CDK13: variants seen among roughly 807,000 people sequenced by gnomAD.
The protein encoded by CDK13 is cyclin dependent kinase 13, also known as cyclin-dependent kinase 13.
Under a neutral mutation model 137.6 loss-of-function variants are expected in CDK13, and 40 were observed. That is an observed-to-expected ratio of 0.29 (90% CI 0.23 to 0.38). The LOEUF (loss-of-function observed/expected upper bound fraction) is 0.38. Among genes scored for constraint, CDK13 ranks in the 10% least tolerant of loss-of-function variants. CDK13 has a pLI of 1.00. For synonymous variants in CDK13, 869 were observed against 760.1 expected (o/e 1.14, Z -2.36); for missense variants, 1,704 against 1,951.8 (o/e 0.87, Z 2.39).
In CDK13 at chr7:39,950,606, C is replaced by G; in HGVS notation, c.-36C>G. The G allele has an allele frequency of 3.1e-6, 4 of 1,290,870 alleles. No homozygotes were observed. Among genetic ancestry groups the G allele is most frequent in the Non-Finnish European group, 3.9e-6 (4 of 1,019,896 alleles). 80.0% of individuals were successfully genotyped at this position (1,290,870 alleles called of 1,614,324 possible). ...GCCAGGATCTGACCCGGGAGGAGGC[C>G]GCACCCGCGCCGCGCTCTGCGGCTG... On this transcript the variant is annotated 5_prime_UTR_variant, in exon 1 of 14. Transcript: ENST00000181839.
At chr7:39,963,233 A>G (rs2116145338) in intron 1 of CDK13, among the ~76,000 whole-genome samples, 1 of 152,190 alleles carries the variant, frequency 6.6e-6, no homozygotes, top group Admixed American at 6.5e-5. Context: ...CATTTTCATG[A>G]TATTGATTCT....
intron 4 of CDK13, among the ~76,000 whole-genome samples, chr7:40,000,740 A>T (rs1784665327): frequency 6.6e-6 from 1 of 152,226 alleles, no homozygotes; most frequent in Non-Finnish European, 1.5e-5. Context: ...CACAATATAG[A>T]AGGCATTCCA....
intron 12 of CDK13, among the ~76,000 whole-genome samples, chr7:40,090,702 T>C (rs1485956052): frequency 2.0e-5 from 3 of 147,636 alleles, no homozygotes; most frequent in Admixed American, 1.4e-4. Context: ...CTAGGTAACA[T>C]GGCAAAACCC....
Position 40,008,744 on chromosome 7 carries a change from C to G in CDK13, c.2353+6713C>G, listed in dbSNP as rs142333712. ...TTTTTTTAATTGAAAATAACATGTT[C>G]CTGTAACAGTGCGGCTTCCAGCAGC... On this transcript the variant is annotated intron_variant, in intron 5 of 13. Transcript: ENST00000181839. 3.3e-5 allele frequency among the ~76,000 whole-genome samples: 5 copies of G among 152,098 alleles called. No individual in the cohort carries two copies. The East Asian group carries it at 9.6e-4, about 29-fold the overall frequency.
chr7:40,039,434 A>ATTTTTTTTTTTTTTTTTTTTTTTTTTTTT (rs976319927), intron 5 of CDK13, among the ~76,000 whole-genome samples: 2 of 85,000 alleles, frequency 2.4e-5, no homozygotes, highest in African/African-American at 1.1e-4. Flanking sequence ...TGCCCGGCTA[A>ATTTTTTTTTTTTTTTTTTTTTTTTTTTTT]TTTTTTTTTT....
rs1003088883 is a variant in CDK13 at position 39,950,273 on chromosome 7, C to T, written c.-369C>T. 11 of 1,054,276 alleles carry T rather than the reference C, an allele frequency of 1.0e-5. No individual in the cohort carries two copies. Among genetic ancestry groups the T allele is most frequent in the African/African-American group, 8.3e-5 (5 of 59,938 alleles). 65.3% of individuals were successfully genotyped at this position (1,054,276 alleles called of 1,614,324 possible). On this transcript the variant is annotated 5_prime_UTR_variant, in exon 1 of 14. Transcript: ENST00000181839. ...AAGGTGGTACTTCCGCGTTGCGCTG[C>T]CCGAGCCGAGAGCGCGGCCAAGGCC...
chr7:39,987,382 C>T (rs1485980932), intron 1 of CDK13, among the ~76,000 whole-genome samples: 1 of 152,074 alleles, frequency 6.6e-6, no homozygotes, highest in Non-Finnish European at 1.5e-5. Flanking sequence ...CATTTGTAGA[C>T]CAGAGCGAGA....
intron 1 of CDK13, among the ~76,000 whole-genome samples, chr7:39,958,298 T>A (rs911554909): frequency 2.0e-5 from 3 of 152,308 alleles, no homozygotes; most frequent in Non-Finnish European, 4.4e-5. Flanking sequence ...CAAACTCAAT[T>A]TACCTAACAT....
intron 5 of CDK13, among the ~76,000 whole-genome samples, chr7:40,012,023 T>G (rs372565019): frequency 6.7e-4 from 102 of 152,286 alleles, no homozygotes; most frequent in Middle Eastern, 3.4e-3. Context: ...AATAAGCACA[T>G]GAAAAGATGT....
At chr7:40,043,073 C>A (rs1278708373) in intron 5 of CDK13, among the ~76,000 whole-genome samples, 2 of 152,214 alleles carry the variant, frequency 1.3e-5, no homozygotes, top group African/African-American at 4.8e-5. Flanking sequence ...CTACCATGCG[C>A]AGCCATCATT....
At chr7:39,976,635 C>G (rs933709413) in intron 1 of CDK13, among the ~76,000 whole-genome samples, 1 of 151,960 alleles carries the variant, frequency 6.6e-6, no homozygotes, top group Non-Finnish European at 1.5e-5. Context: ...AAATAGTACT[C>G]CACTCTAAAT....
intron 1 of CDK13, among the ~76,000 whole-genome samples, chr7:39,979,880 A>C (rs1403085965): frequency 6.6e-6 from 1 of 152,152 alleles, no homozygotes. Flanking sequence ...TCATGATGAA[A>C]GTAGAGGCCC....
rs574296416 is a variant in CDK13, at chr7:40,096,931, T to C, written c.*1951T>C. 2.8e-4 allele frequency: 43 copies of C among 152,184 alleles called. 1 individual carries two copies. Among genetic ancestry groups the C allele is most frequent in the Admixed American group, 3.3e-4 (5 of 15,288 alleles). 9.4% of individuals were successfully genotyped at this position (152,184 alleles called of 1,614,324 possible). On this transcript the variant is annotated 3_prime_UTR_variant, in exon 14 of 14. Transcript: ENST00000181839. ...AAGAAATATTTTGAAATTAGCAAAA[T>C]AGCAACAGTATTCAAGTATCTGAAA...
chr7:40,083,345 T>C (rs887200854), intron 11 of CDK13, among the ~76,000 whole-genome samples: 1 of 151,842 alleles, frequency 6.6e-6, no homozygotes, highest in Non-Finnish European at 1.5e-5. Context: ...AGAGATCACA[T>C]GATCTAAAGA....
chr7:40,055,596 A>G (rs1440177801), intron 7 of CDK13, among the ~76,000 whole-genome samples: 1 of 136,796 alleles, frequency 7.3e-6, no homozygotes. Flanking sequence ...TTTTTTTGAG[A>G]CAGAGTCTTT....
chr7:39,967,827 C>T (rs1327942841), intron 1 of CDK13, among the ~76,000 whole-genome samples: 1 of 152,076 alleles, frequency 6.6e-6, no homozygotes, highest in African/African-American at 2.4e-5. Flanking sequence ...GTTTGCATTT[C>T]CTTGGTGATT....
intron 1 of CDK13, chr7:39,952,492 C>T (rs1405446268): frequency 6.6e-6 from 1 of 152,090 alleles, no homozygotes; most frequent in Non-Finnish European, 1.5e-5. Context: ...ATAGTTTTTA[C>T]CTGATCTTTC....
chr7:40,052,181 T>TTGTG (rs1785905422), intron 7 of CDK13, among the ~76,000 whole-genome samples: 2 of 151,978 alleles, frequency 1.3e-5, no homozygotes, highest in African/African-American at 4.8e-5. Flanking sequence ...CTTTATTTGT[T>TTGTG]TATTTATATT....
At chr7:40,035,389 G>A (rs895380051) in intron 5 of CDK13, among the ~76,000 whole-genome samples, 3 of 152,104 alleles carry the variant, frequency 2.0e-5, no homozygotes, top group Non-Finnish European at 4.4e-5. Context: ...ACAGTAGGAG[G>A]TGAGTGGAAG....
Sources: gnomAD v4.1 joint callset for allele counts (sites outside exome capture counted in the v4.1 genomes callset) on GRCh38, gnomAD v4.1.1 for gene constraint, MANE v1.5 for transcripts, NCBI Gene and HGNC (gene_info 2026-07-23, HGNC 2026-07-21) for gene names.